SHC4: variants seen among roughly 807,000 people sequenced by gnomAD.
SHC4 encodes SHC-transforming protein 4.
A neutral mutation model predicts 69.4 loss-of-function variants in SHC4; 41 were observed. That is an observed-to-expected ratio of 0.59 (90% CI 0.46 to 0.77). The LOEUF is 0.77. Among genes scored for constraint, SHC4 ranks in the 30% least tolerant of loss-of-function variants. The pLI is 0.00. For missense variants in SHC4, 777 were observed against 783.8 expected, an observed-to-expected ratio of 0.99 and a Z score of 0.10; for synonymous variants, 318 against 299.3, an observed-to-expected ratio of 1.06 and a Z score of -0.64.
intron 6 of SHC4, among the ~76,000 whole-genome samples, chr15:48,859,235 A>C (rs1899388847): frequency 6.6e-6 from 1 of 152,116 alleles, no homozygotes; most frequent in Admixed American, 6.5e-5. Context: ...ACCTCAAGGA[A>C]TCTCAGATAT....
intron 8 of SHC4, among the ~76,000 whole-genome samples, chr15:48,853,491 T>A (rs1042256186): frequency 6.6e-6 from 1 of 151,904 alleles, no homozygotes; most frequent in Non-Finnish European, 1.5e-5. Context: ...CCAAAAACAG[T>A]TGGTTCATAT....
chr15:48,883,343 T>C (rs1899978180), intron 4 of SHC4, among the ~76,000 whole-genome samples: 1 of 152,206 alleles, frequency 6.6e-6, no homozygotes, highest in Non-Finnish European at 1.5e-5. Context: ...TGAGGAAAAC[T>C]GAAGCCCAGA....
At chr15:48,888,911 T>C (rs1357413382) in intron 3 of SHC4, among the ~76,000 whole-genome samples, 2 of 142,020 alleles carry the variant, frequency 1.4e-5, no homozygotes, top group African/African-American at 5.2e-5. Flanking sequence ...AAAGTTAAGA[T>C]GGTAAATTTT....
Position 48,825,902 on chromosome 15 carries a change from A to C in SHC4, c.*69T>G, listed in dbSNP as rs1898678784. 6.5e-7 allele frequency: 1 copy of C among 1,535,410 alleles called. No individual in the cohort carries two copies. The highest frequency in any genetic ancestry group is 1.4e-5 in the African/African-American group (1 of 72,320). ...TCTATTTTATCTACAAACAAAGTTT[A>C]AATTATCTTTGTGTCCTAATACAAA... On this transcript the variant is annotated 3_prime_UTR_variant, in exon 12 of 12. Coordinates refer to ENST00000332408, the MANE Select transcript of SHC4 (RefSeq NM_203349.4).
chr15:48,890,528 C>A (rs963001377), intron 3 of SHC4, among the ~76,000 whole-genome samples: 1 of 152,202 alleles, frequency 6.6e-6, no homozygotes, highest in Non-Finnish European at 1.5e-5. Context: ...CCAGGGCTTT[C>A]TCCCCTCTGC....
chr15:48,954,630 C>A (rs564987852), intron 1 of SHC4, among the ~76,000 whole-genome samples: 1 of 152,206 alleles, frequency 6.6e-6, no homozygotes, highest in African/African-American at 2.4e-5. Context: ...AGAAGGCAGG[C>A]AGGCCCTCCC....
At chr15:48,903,273 C>G (rs1038357928) in intron 2 of SHC4, among the ~76,000 whole-genome samples, 1 of 152,222 alleles carries the variant, frequency 6.6e-6, no homozygotes, top group African/African-American at 2.4e-5. Context: ...GATGCACCAA[C>G]TGTCCTGCAT....
chr15:48,893,516 GC>G (rs1900169904), intron 2 of SHC4, among the ~76,000 whole-genome samples: 1 of 152,164 alleles, frequency 6.6e-6, no homozygotes, highest in Admixed American at 6.5e-5. Flanking sequence ...CTGAAGGCTG[GC>G]CAGATTTGGC....
intron 8 of SHC4, among the ~76,000 whole-genome samples, chr15:48,851,901 G>A (rs1899221630): frequency 6.6e-6 from 1 of 152,180 alleles, no homozygotes; most frequent in South Asian, 2.1e-4. Context: ...GACTTCGAAA[G>A]AGGCAGTAGA....
At chr15:48,904,605 C>T (rs879218236) in intron 2 of SHC4, among the ~76,000 whole-genome samples, 2 of 152,058 alleles carry the variant, frequency 1.3e-5, no homozygotes, top group Admixed American at 1.3e-4. Flanking sequence ...TGGCTGGGCA[C>T]AGTGGCTCAC....
intron 9 of SHC4, among the ~76,000 whole-genome samples, chr15:48,850,076 G>A (rs1325731198): frequency 6.6e-6 from 1 of 152,100 alleles, no homozygotes; most frequent in Non-Finnish European, 1.5e-5. Context: ...GGTGGCGGGT[G>A]CCTGTAATCT....
chr15:48,854,757 A>G (rs1452847549), intron 8 of SHC4, among the ~76,000 whole-genome samples: 1 of 152,178 alleles, frequency 6.6e-6, no homozygotes, highest in Non-Finnish European at 1.5e-5. Context: ...TATAAGTAGG[A>G]GCTAAATATT....
At chr15:48,850,957 C>A (rs1230362618) in intron 9 of SHC4, among the ~76,000 whole-genome samples, 1 of 152,138 alleles carries the variant, frequency 6.6e-6, no homozygotes, top group Non-Finnish European at 1.5e-5. Context: ...CTCCATAAAG[C>A]AAAACCATCA....
intron 2 of SHC4, among the ~76,000 whole-genome samples, chr15:48,893,589 AT>A (rs1900171041): frequency 6.6e-6 from 1 of 152,194 alleles, no homozygotes; most frequent in African/African-American, 2.4e-5. Flanking sequence ...GGGAGAAATC[AT>A]TTGGCTTTTT....
At chr15:48,835,616 C>G (rs1898883680) in intron 10 of SHC4, among the ~76,000 whole-genome samples, 1 of 152,118 alleles carries the variant, frequency 6.6e-6, no homozygotes, top group Non-Finnish European at 1.5e-5. Context: ...TGGACAAAAA[C>G]AGTTGATGAG....
intron 9 of SHC4, among the ~76,000 whole-genome samples, chr15:48,844,132 A>T (rs1899044550): frequency 6.6e-6 from 1 of 152,222 alleles, no homozygotes; most frequent in South Asian, 2.1e-4. Context: ...TCTATGCTCA[A>T]AGTTTGCTCT....
intron 10 of SHC4, among the ~76,000 whole-genome samples, chr15:48,838,639 T>A (rs1033159758): frequency 2.0e-5 from 3 of 152,160 alleles, no homozygotes; most frequent in Admixed American, 6.5e-5. Context: ...GTCAGACATG[T>A]TACAAAGGCA....
chr15:48,864,081 ATT>A (rs1310915874), intron 6 of SHC4, among the ~76,000 whole-genome samples: 1 of 152,108 alleles, frequency 6.6e-6, no homozygotes, highest in Non-Finnish European at 1.5e-5. Flanking sequence ...TTGTTTGTTT[ATT>A]CTATTTATGA....
chr15:48,837,328 T>C (rs894803593), intron 10 of SHC4, among the ~76,000 whole-genome samples: 1 of 152,230 alleles, frequency 6.6e-6, no homozygotes, highest in African/African-American at 2.4e-5. Context: ...GAAAATCTGA[T>C]TCTGCCAGAA....
Sources: gnomAD v4.1 joint callset for allele counts (sites outside exome capture counted in the v4.1 genomes callset) on GRCh38, gnomAD v4.1.1 for gene constraint, MANE v1.5 for transcripts, NCBI Gene and HGNC (gene_info 2026-07-23, HGNC 2026-07-21) for gene names.